GSE1: variants seen among roughly 807,000 people sequenced by gnomAD.
The protein encoded by GSE1 is Gse1 coiled-coil protein, also known as genetic suppressor element 1.
In GSE1, 32 loss-of-function variants were observed where a neutral mutation model predicts 112.6. That is an observed-to-expected ratio of 0.28 (90% confidence interval 0.21 to 0.38). GSE1 has a LOEUF of 0.38. Among genes scored for constraint, GSE1 ranks in the 10% least tolerant of loss-of-function variants. The pLI is 1.00. For missense variants in GSE1, 2,348 were observed against 1,699.2 expected (o/e 1.38, Z -6.71); for synonymous variants, 1,115 against 735.6 (o/e 1.52, Z -8.35).
chr16:85,390,234 G>A (rs1278280199), intron 2 of GSE1, among the ~76,000 whole-genome samples: 1 of 152,108 alleles, frequency 6.6e-6, no homozygotes, highest in African/African-American at 2.4e-5. Context: ...AAATACTCAC[G>A]GCCTGTAGCT....
intron 1 of GSE1, among the ~76,000 whole-genome samples, chr16:85,556,646 C>T (rs1273938868): frequency 4.7e-5 from 7 of 150,432 alleles, no homozygotes; most frequent in African/African-American, 1.7e-4. Context: ...GCCGGCTCCG[C>T]CGCGGCGGCG....
chr16:85,312,203 G>GT (rs1388527978), intron 1 of GSE1, among the ~76,000 whole-genome samples: 1 of 140,732 alleles, frequency 7.1e-6, no homozygotes, highest in African/African-American at 2.8e-5. Flanking sequence ...TGATCCTCTT[G>GT]CGGGGGGGGG....
chr16:85,361,102 C>CGG, intron 2 of GSE1, among the ~76,000 whole-genome samples: 1 of 148,906 alleles, frequency 6.7e-6, no homozygotes. Flanking sequence ...CAGACACACA[C>CGG]GGGCAGAGAC....
intron 1 of GSE1, among the ~76,000 whole-genome samples, chr16:85,317,172 C>T (rs895450759): frequency 6.6e-6 from 1 of 152,196 alleles, no homozygotes; most frequent in African/African-American, 2.4e-5. Flanking sequence ...GGGGACAAGA[C>T]GGGGCCTTTG....
rs1253493862 is a variant in GSE1, at chr16:85,481,271, A to G, written c.2464+123628A>G. ...AGATAAAAGACACCTCCTTTTTTTGAAAAATTTCCTGAGATAAACCATGTA... is the reference window on the plus strand; with the variant it reads ...AGATAAAAGACACCTCCTTTTTTTGGAAAATTTCCTGAGATAAACCATGTA... On this transcript the variant is annotated intron_variant, in intron 2 of 2. Transcript: ENST00000637419. Among the ~76,000 whole-genome samples, 4 of 151,984 alleles carry G rather than the reference A, an allele frequency of 2.6e-5. No individual in the cohort carries two copies. In the East Asian group the frequency reaches 7.7e-4, roughly 29 times the overall value.
upstream of GSE1, among the ~76,000 whole-genome samples, chr16:85,606,928 C>T (rs1234090481): frequency 4.6e-5 from 7 of 152,332 alleles, no homozygotes; most frequent in African/African-American, 1.7e-4. Flanking sequence ...GGCCTGGCCC[C>T]GCCATATAAA....
chr16:85,471,484 G>A (rs1249461230), intron 2 of GSE1, among the ~76,000 whole-genome samples: 1 of 152,182 alleles, frequency 6.6e-6, no homozygotes, highest in Non-Finnish European at 1.5e-5. Context: ...TGAGACCATA[G>A]CTCACTGCAG....
rs143233833 is a variant in GSE1, at chr16:85,255,086, A to AGGT, written c.2283+83281_2283+83282insTGG. On this transcript the variant is annotated intron_variant, in intron 1 of 2. Transcript: ENST00000637419. ...CCGGAGCAGATGGGCCCAGAGAGGG[A>AGGT]GGCGGCGGCGGCGGTCGCTGTTGCC... 2.0e-5 allele frequency among the ~76,000 whole-genome samples: 3 copies of AGGT among 151,978 alleles called. No homozygotes were observed. The East Asian group carries it at 5.8e-4, about 30-fold the overall frequency.
At chr16:85,349,804 C>T (rs543329367) in intron 1 of GSE1, among the ~76,000 whole-genome samples, 1 of 152,308 alleles carries the variant, frequency 6.6e-6, no homozygotes, top group Non-Finnish European at 1.5e-5. Flanking sequence ...TGAGATAAAT[C>T]AGCCTCAGCC....
intron 1 of GSE1, among the ~76,000 whole-genome samples, chr16:85,585,750 C>G (rs777612210): frequency 6.6e-6 from 1 of 152,214 alleles, no homozygotes; most frequent in South Asian, 2.1e-4. Flanking sequence ...GGCGATGACA[C>G]GAGCATCATC....
In GSE1 at chr16:85,649,509, G is replaced by A. The variant is rs563274990; in HGVS notation, c.426+758G>A. Among the ~76,000 whole-genome samples, 793 of 152,320 alleles carry A rather than the reference G, an allele frequency of 5.2e-3. 3 individuals carry two copies. Among genetic ancestry groups the A allele is most frequent in the Admixed American group, 8.1e-3 (124 of 15,308 alleles). ...TCCCCAAGTTTTCGGGGCTCCTTAT[G>A]TCTGTGGGCCCCTCGCTCTGCACTG... On this transcript the variant is annotated intron_variant, in intron 3 of 15. Transcript: ENST00000253458.
chr16:85,657,393 C>G lies in GSE1; in HGVS notation c.1429C>G (p.Leu477Val). ...CATCTCCAACCATGGCATCTTCTCT[C>G]TGCCTAGCAGCAGTGCTGCCACAGC... is the stretch of plus-strand genomic sequence containing the variant. The part of the protein sequence containing the change: ...SLISNHGIFS[L>V]PSSSAATALL... Residue 477 changes from leucine to valine, a missense_variant, in exon 8 of 16, where the codon CTG becomes GTG. Physicochemically the swap from Leu to Val is conservative, Grantham distance 32. Coordinates refer to ENST00000253458, the MANE Select transcript of GSE1 (RefSeq NM_014615.5). The G allele has an allele frequency of 6.2e-7, 1 of 1,612,762 alleles. No individual in the cohort carries two copies. Among genetic ancestry groups the G allele is most frequent in the African/African-American group, 1.3e-5 (1 of 75,064 alleles).
At chr16:85,560,128 CTTT>C (rs377241566) in intron 1 of GSE1, among the ~76,000 whole-genome samples, 8 of 99,162 alleles carry the variant, frequency 8.1e-5, no homozygotes, top group African/African-American at 2.0e-4. Flanking sequence ...TCTTCTTCTT[CTTT>C]TTTTTTTTTT....
chr16:85,661,812 T>C, intron 9 of GSE1, 47 bp downstream of exon 9: 1 of 1,438,966 alleles, frequency 6.9e-7, no homozygotes, highest in Non-Finnish European at 9.2e-7. Flanking sequence ...AGCCGCACAG[T>C]GGGGATGGGG....
intron 1 of GSE1, among the ~76,000 whole-genome samples, chr16:85,346,258 G>A (rs2046733853): frequency 6.6e-6 from 1 of 151,302 alleles, no homozygotes; most frequent in African/African-American, 2.4e-5. Flanking sequence ...ATGGATGGAT[G>A]ATGGATGGGT....
At chr16:85,539,979 G>C (rs1252358077) in intron 2 of GSE1, among the ~76,000 whole-genome samples, 2 of 152,220 alleles carry the variant, frequency 1.3e-5, no homozygotes, top group African/African-American at 4.8e-5. Flanking sequence ...CTTCTCTGCA[G>C]ACAGCTGCAG....
At chr16:85,212,930 C>T (rs922980753) in intron 1 of GSE1, among the ~76,000 whole-genome samples, 6 of 152,140 alleles carry the variant, frequency 3.9e-5, no homozygotes, top group African/African-American at 1.4e-4. Flanking sequence ...GAGTTTGAGA[C>T]CAGCCTGGGC....
intron 1 of GSE1, among the ~76,000 whole-genome samples, chr16:85,175,686 G>T (rs1487831836): frequency 1.3e-5 from 2 of 152,194 alleles, no homozygotes; most frequent in African/African-American, 4.8e-5. Context: ...TAGAAACAAG[G>T]CCAGCCAGGA....
At chr16:85,276,895 C>G (rs1045859974) in intron 1 of GSE1, among the ~76,000 whole-genome samples, 1 of 152,192 alleles carries the variant, frequency 6.6e-6, no homozygotes, top group African/African-American at 2.4e-5. Flanking sequence ...GTTAGAGAAC[C>G]CCCAAGGCCG....
Sources: gnomAD v4.1 joint callset for allele counts (sites outside exome capture counted in the v4.1 genomes callset) on GRCh38, gnomAD v4.1.1 for gene constraint, MANE v1.5 for transcripts, NCBI Gene and HGNC (gene_info 2026-07-23, HGNC 2026-07-21) for gene names.